DDX19A: variants seen among roughly 807,000 people sequenced by gnomAD.
DDX19A encodes ATP-dependent RNA helicase DDX19A.
In DDX19A, 12 loss-of-function variants were observed where a neutral mutation model predicts 60.6. That is an observed-to-expected ratio of 0.20 (90% CI 0.13 to 0.32). The LOEUF (loss-of-function observed/expected upper bound fraction) is 0.32. Among genes scored for constraint, DDX19A ranks in the 10% least tolerant of loss-of-function variants. DDX19A has a pLI of 1.00. For missense variants in DDX19A, 337 were observed against 600.6 expected, an observed-to-expected ratio of 0.56 and a Z score of 4.59; for synonymous variants, 206 against 218.2, an observed-to-expected ratio of 0.94 and a Z score of 0.49.
chr16:70,366,660 C>T lies in DDX19A; in HGVS notation c.819C>T (p.Ser273=), dbSNP rs375391651. Residue 273 remains serine, a synonymous_variant, in exon 9 of 12, where the codon TCC becomes TCT. Transcript: ENST00000302243. ...LPRNCQMLLF[S]ATFEDSVWKF... ...GGAACTGCCAGATGCTGCTTTTCTCCGCCACCTTTGAAGACTCTGTGTGGA... is the reference window on the plus strand; with the variant it reads ...GGAACTGCCAGATGCTGCTTTTCTCTGCCACCTTTGAAGACTCTGTGTGGA... 61 of 1,614,192 alleles carry T rather than the reference C, an allele frequency of 3.8e-5. No individual in the cohort carries two copies. Among genetic ancestry groups the T allele is most frequent in the African/African-American group, 3.3e-4 (25 of 75,042 alleles).
intron 1 of DDX19A, among the ~76,000 whole-genome samples, chr16:70,348,583 C>A (rs914533755): frequency 1.3e-5 from 2 of 148,298 alleles, no homozygotes; most frequent in East Asian, 3.9e-4. Flanking sequence ...GCCAAAATTA[C>A]GCCACTGCAC....
At chr16:70,353,573 T>C (rs1964092225) in intron 2 of DDX19A, among the ~76,000 whole-genome samples, 1 of 151,834 alleles carries the variant, frequency 6.6e-6, no homozygotes, top group Non-Finnish European at 1.5e-5. Flanking sequence ...TGTGATGAGA[T>C]TGTAGGGAAA....
At chr16:70,370,460 A>G in intron 10 of DDX19A, 75 bp downstream of exon 10, 1 of 1,557,700 alleles carries the variant, frequency 6.4e-7, no homozygotes, top group Non-Finnish European at 8.7e-7. Flanking sequence ...AAATCCTTGT[A>G]TACAGGGAAG....
intron 3 of DDX19A, chr16:70,355,876 T>C: frequency 8.3e-6 from 5 of 602,060 alleles, no homozygotes; most frequent in Non-Finnish European, 1.4e-5. Context: ...GTGGGACGAT[T>C]GCCAGAGCCC....
intron 4 of DDX19A, among the ~76,000 whole-genome samples, 194 bp from the exon 5 acceptor site, chr16:70,361,224 T>G (rs1042966537): frequency 6.6e-6 from 1 of 152,222 alleles, no homozygotes; most frequent in Non-Finnish European, 1.5e-5. Context: ...AGTTGCAGAT[T>G]AAGATTCCTT....
chr16:70,364,678 G>A (rs1016431896), intron 6 of DDX19A, 33 bp downstream of exon 6: 1 of 1,538,354 alleles, frequency 6.5e-7, no homozygotes, highest in Non-Finnish European at 9.0e-7. Context: ...GTCCTAGGTT[G>A]CCTGCCCTGG....
At chr16:70,367,032 C>T (rs992272298) in intron 9 of DDX19A, among the ~76,000 whole-genome samples, 171 bp downstream of exon 9, 1 of 152,176 alleles carries the variant, frequency 6.6e-6, no homozygotes, top group African/African-American at 2.4e-5. Flanking sequence ...CCAAGGGATA[C>T]ATAGCCTAAA....
chr16:70,363,878 T>G (rs888954385), intron 5 of DDX19A: 1 of 152,260 alleles, frequency 6.6e-6, no homozygotes, highest in Non-Finnish European at 1.5e-5. Context: ...TAGCTGAGAC[T>G]ACAGGTACCC....
intron 4 of DDX19A, among the ~76,000 whole-genome samples, chr16:70,358,530 C>A (rs1964282764): frequency 6.6e-6 from 1 of 151,172 alleles, no homozygotes; most frequent in Non-Finnish European, 1.5e-5. Flanking sequence ...CCAGGCCAGA[C>A]CAAAAATGTA....
At chr16:70,356,866 C>G (rs1203749283) in intron 4 of DDX19A, 1 of 1,274,096 alleles carries the variant, frequency 7.8e-7, no homozygotes, top group Non-Finnish European at 1.0e-6. Context: ...AAAATATTGG[C>G]TGACAGGTGA....
At chr16:70,349,520 A>G (rs1963948381) in intron 1 of DDX19A, among the ~76,000 whole-genome samples, 1 of 152,208 alleles carries the variant, frequency 6.6e-6, no homozygotes, top group Non-Finnish European at 1.5e-5. Flanking sequence ...CCTTGCAAAT[A>G]GGCTTTCCTA....
intron 8 of DDX19A, 99 bp from the exon 9 acceptor site, chr16:70,366,525 C>G (rs752490744): frequency 1.2e-4 from 183 of 1,511,462 alleles, no homozygotes; most frequent in Non-Finnish European, 1.6e-4. Context: ...CCTCCCCCAT[C>G]AGCCTTCCTG....
chr16:70,353,691 G>T lies in DDX19A; in HGVS notation c.107-1794G>T, dbSNP rs187066108. Among the ~76,000 whole-genome samples the T allele has an allele frequency of 7.5e-5, 6 of 79,628 alleles. No homozygotes were observed. The East Asian group carries it at 1.6e-3, about 22-fold the overall frequency. The allele number at this position is 79,628 out of a possible 152,430, so 52.2% of individuals were successfully genotyped here. Reference sequence around the variant, plus strand: ...TGAGGCGGGTGGATCACCTGAGGTCGGGAGTTTGAGACCAGCCTGGCCAAT... The same window carrying T: ...TGAGGCGGGTGGATCACCTGAGGTCTGGAGTTTGAGACCAGCCTGGCCAAT... On this transcript the variant is annotated intron_variant, in intron 2 of 11. Transcript: ENST00000302243.
chr16:70,357,401 TTG>T, intron 4 of DDX19A, among the ~76,000 whole-genome samples: 1 of 97,332 alleles, frequency 1.0e-5, no homozygotes, highest in African/African-American at 3.5e-5. Flanking sequence ...TTTTTTTTTT[TTG>T]AGACCAAGTC....
At chr16:70,358,549 C>A (rs977831469) in intron 4 of DDX19A, among the ~76,000 whole-genome samples, 1 of 150,496 alleles carries the variant, frequency 6.6e-6, no homozygotes, top group Non-Finnish European at 1.5e-5. Flanking sequence ...TATTTTTAAA[C>A]AGTTATACTT....
intron 9 of DDX19A, among the ~76,000 whole-genome samples, chr16:70,369,560 G>T (rs529398749): frequency 8.2e-4 from 124 of 150,620 alleles, no homozygotes; most frequent in African/African-American, 3.0e-3. Context: ...GTGAGCCACC[G>T]TATCTTGCCC....
Position 70,347,053 on chromosome 16 carries a change from GTAGCTCAGCTCC to G in DDX19A, c.57+7_57+18del. ...CAGGAAGCGGCTGTCAAGTCGGTCA[GTAGCTCAGCTCC>G]TGGCGAGGAGGACGTAGCAGGGGCC... On this transcript the variant is annotated splice_donor_region_variant and intron_variant, in intron 1 of 11. Transcript: ENST00000302243. The G allele has an allele frequency of 6.2e-7, 1 of 1,611,116 alleles. No homozygotes were observed. The highest frequency in any genetic ancestry group is 8.5e-7 in the Non-Finnish European group (1 of 1,179,358).
intron 3 of DDX19A, 188 bp from the exon 4 acceptor site, chr16:70,355,924 T>C: frequency 1.4e-6 from 1 of 720,622 alleles, no homozygotes; most frequent in East Asian, 2.7e-5. Flanking sequence ...ATTGCTCCAC[T>C]GCACTCCAGC....
intron 1 of DDX19A, 79 bp downstream of exon 1, chr16:70,347,127 G>C (rs776791747): frequency 7.0e-6 from 10 of 1,421,686 alleles, no homozygotes; most frequent in Non-Finnish European, 9.7e-6. Flanking sequence ...GAGCTCCCCG[G>C]GTTGGGGAGG....
Sources: allele counts gnomAD v4.1 joint callset (sites outside exome capture counted in the v4.1 genomes callset), GRCh38; gene constraint gnomAD v4.1.1; transcripts MANE v1.5; gene names NCBI Gene and HGNC (gene_info 2026-07-23, HGNC 2026-07-21).